Variants in SULF2 observed in about 807,000 individuals in gnomAD.
SULF2 encodes sulfatase 2.
A neutral mutation model predicts 107.7 loss-of-function variants in SULF2; 52 were observed. The ratio of observed to expected loss-of-function variants is 0.48; its 90% confidence interval spans 0.39 to 0.61. The LOEUF is 0.61. SULF2 is among the 20% of genes least tolerant of loss of function. The pLI is 0.00. For missense variants in SULF2, 993 were observed against 1,177.3 expected (o/e 0.84, Z 2.29); for synonymous variants, 460 against 464.3 (o/e 0.99, Z 0.12).
chr20:47,745,695 AT>A (rs1162858117), intron 2 of SULF2, among the ~76,000 whole-genome samples: 5 of 150,658 alleles, frequency 3.3e-5, no homozygotes, highest in Non-Finnish European at 7.4e-5. Context: ...TTCCCGGCTA[AT>A]TTTTTTTATT....
chr20:47,782,791 C>CA (rs985401372), intron 1 of SULF2, among the ~76,000 whole-genome samples: 3 of 152,230 alleles, frequency 2.0e-5, no homozygotes, highest in South Asian at 2.1e-4. Context: ...TTCCTTGGGG[C>CA]AAAAAACCTC....
chr20:47,752,795 G>T (rs941570508), intron 2 of SULF2, among the ~76,000 whole-genome samples: 17 of 151,982 alleles, frequency 1.1e-4, no homozygotes, highest in African/African-American at 3.9e-4. Flanking sequence ...GAGAGGCAAA[G>T]AATTCTTTTG....
intron 3 of SULF2, among the ~76,000 whole-genome samples, chr20:47,729,349 C>CAG (rs1296007553): frequency 6.6e-6 from 1 of 152,114 alleles, no homozygotes; most frequent in African/African-American, 2.4e-5. Context: ...GGGCTCTGCC[C>CAG]AGAGGAGAAA....
chr20:47,714,869 C>T (rs945957748), intron 3 of SULF2, among the ~76,000 whole-genome samples: 1 of 152,172 alleles, frequency 6.6e-6, no homozygotes, highest in African/African-American at 2.4e-5. Flanking sequence ...TCACCTTCCT[C>T]AGATACCTGC....
intron 2 of SULF2, among the ~76,000 whole-genome samples, chr20:47,740,500 A>C (rs1436902012): frequency 1.3e-5 from 2 of 152,150 alleles, no homozygotes; most frequent in Non-Finnish European, 2.9e-5. Flanking sequence ...ATCACCAAAC[A>C]CCAGGGATGC....
At chr20:47,770,431 C>G (rs1014359902) in intron 1 of SULF2, among the ~76,000 whole-genome samples, 2 of 152,150 alleles carry the variant, frequency 1.3e-5, no homozygotes, top group African/African-American at 4.8e-5. Flanking sequence ...AGGGTAGGCA[C>G]AGGGAGGCCA....
At chr20:47,722,839 G>A (rs1269612578) in intron 3 of SULF2, among the ~76,000 whole-genome samples, 1 of 152,166 alleles carries the variant, frequency 6.6e-6, no homozygotes, top group Non-Finnish European at 1.5e-5. Flanking sequence ...GCTGAGGCAG[G>A]TGGATCACTT....
intron 1 of SULF2, among the ~76,000 whole-genome samples, chr20:47,782,733 G>A (rs913111905): frequency 6.6e-6 from 1 of 152,162 alleles, no homozygotes; most frequent in Non-Finnish European, 1.5e-5. Flanking sequence ...GGAGGGGACA[G>A]TGTGTCTGCT....
chr20:47,753,614 A>C (rs2090211967), intron 2 of SULF2, among the ~76,000 whole-genome samples: 1 of 152,262 alleles, frequency 6.6e-6, no homozygotes, highest in African/African-American at 2.4e-5. Context: ...TTACAGTCAG[A>C]ATTTGGAGGT....
chr20:47,746,877 C>G (rs1373120823), intron 2 of SULF2, among the ~76,000 whole-genome samples: 2 of 151,368 alleles, frequency 1.3e-5, no homozygotes, highest in African/African-American at 4.9e-5. Flanking sequence ...GGAGATATAC[C>G]TAATGTAAAT....
At chr20:47,783,833 A>G (rs1249348230) in intron 1 of SULF2, among the ~76,000 whole-genome samples, 1 of 152,200 alleles carries the variant, frequency 6.6e-6, no homozygotes, top group Non-Finnish European at 1.5e-5. Context: ...TTAGAACGCT[A>G]AATTACACAT....
intron 3 of SULF2, among the ~76,000 whole-genome samples, chr20:47,727,130 C>T (rs2089466283): frequency 6.6e-6 from 1 of 152,116 alleles, no homozygotes; most frequent in African/African-American, 2.4e-5. Context: ...AAAATATATG[C>T]TCAAGTCCTT....
chr20:47,733,905 A>G (rs1170810623), intron 3 of SULF2, among the ~76,000 whole-genome samples: 1 of 152,214 alleles, frequency 6.6e-6, no homozygotes, highest in Non-Finnish European at 1.5e-5. Flanking sequence ...CTTAAGTAGC[A>G]TTTTTCTGGG....
chr20:47,698,356 C>T (rs2088454286), intron 4 of SULF2, among the ~76,000 whole-genome samples: 1 of 152,210 alleles, frequency 6.6e-6, no homozygotes, highest in Admixed American at 6.5e-5. Context: ...AGGCATCCTC[C>T]TGGCCACTCT....
In SULF2 at chr20:47,684,471, C is replaced by T. The variant is rs2087930842; in HGVS notation, c.848G>A (p.Arg283His). The T allele has an allele frequency of 2.5e-6, 4 of 1,613,722 alleles. No individual in the cohort carries two copies. Among genetic ancestry groups the T allele is most frequent in the Non-Finnish European group, 3.4e-6 (4 of 1,179,836 alleles). ...MEFTNMLQRK[R>H]LQTLMSVDDS... The stretch of plus-strand genomic sequence containing the variant: ...GTCCACCGACATGAGGGTCTGCAAG[C>T]GCTTCCGCTGGAGCATGTTGGTGAA... Residue 283 changes from arginine (R) to histidine (H), a missense_variant, in exon 6 of 21, where the codon CGC (arginine) becomes CAC (histidine). This residue lies in a region of SULF2 where 388 missense variants were observed against 449.2 expected (regional missense o/e 0.86). Transcript: ENST00000688720.
intron 1 of SULF2, among the ~76,000 whole-genome samples, chr20:47,771,211 GA>G (rs1434458654): frequency 6.6e-6 from 1 of 152,110 alleles, no homozygotes; most frequent in African/African-American, 2.4e-5. Flanking sequence ...AAGAATCTGT[GA>G]GCCTCGGAAA....
At position 47,659,419 on chromosome 20, in the gene SULF2, CTT is replaced by C; in HGVS notation, c.2560_2561del (p.Lys854GlufsTer28). The C allele has an allele frequency of 6.2e-7, 1 of 1,614,164 alleles. No individual in the cohort carries two copies. The highest frequency in any genetic ancestry group is 8.5e-7 in the Non-Finnish European group (1 of 1,180,020). On this transcript the variant is annotated frameshift_variant, in exon 20 of 21. Coordinates refer to ENST00000688720, the MANE Select transcript of SULF2 (RefSeq NM_001387048.1). LOFTEE classifies it high-confidence loss of function. ...QFQRRKWPEM[K>X]RPSSKSLGQL... ...CTCACAGTGATTTGGAAGAAGGTCTCTTCATTTCTGGCCACTTTCGACGCTGA... is the reference window on the plus strand; with the variant it reads ...CTCACAGTGATTTGGAAGAAGGTCTCCATTTCTGGCCACTTTCGACGCTGA...
At position 47,678,565 on chromosome 20, in the gene SULF2, C is replaced by T; in HGVS notation, c.1193+111G>A. The T allele has an allele frequency of 1.5e-6, 2 of 1,351,184 alleles. No homozygotes were observed. The highest frequency in any genetic ancestry group is 2.0e-5 in the Admixed American group (1 of 50,678). The allele number at this position is 1,351,184 out of a possible 1,614,324, so 83.7% of individuals were successfully genotyped here. ...GGTTGGCATGGCGGGACCTGAGAACCCCAGCTCCCGACCCTTGGAGACCCC... is the reference window on the plus strand; with the variant it reads ...GGTTGGCATGGCGGGACCTGAGAACTCCAGCTCCCGACCCTTGGAGACCCC... On this transcript the variant is annotated intron_variant, in intron 8 of 20. Coordinates refer to ENST00000688720, the MANE Select transcript of SULF2 (RefSeq NM_001387048.1). The surrounding 1 kb of genome is among the most constrained non-coding windows in gnomAD (Gnocchi z 4.5).
intron 1 of SULF2, among the ~76,000 whole-genome samples, chr20:47,779,931 A>C (rs912100656): frequency 6.6e-6 from 1 of 151,970 alleles, no homozygotes; most frequent in Non-Finnish European, 1.5e-5. Context: ...TTTAAAATAA[A>C]GTCTAAAATT....
Sources: allele counts gnomAD v4.1 joint callset (sites outside exome capture counted in the v4.1 genomes callset), GRCh38; gene constraint gnomAD v4.1.1; regional missense constraint gnomAD v4.1.1; non-coding constraint Gnocchi (gnomAD v3.1); transcripts MANE v1.5; gene names NCBI Gene and HGNC (gene_info 2026-07-23, HGNC 2026-07-21).